GLIS3: variants seen among roughly 807,000 people sequenced by gnomAD.
GLIS3 encodes the protein zinc finger protein GLIS3.
In GLIS3, 53 loss-of-function variants were observed where a neutral mutation model predicts 78.6. The ratio of observed to expected loss-of-function variants is 0.67; its 90% confidence interval spans 0.54 to 0.85. GLIS3 has a LOEUF of 0.85. GLIS3 is among the 40% of genes least tolerant of loss of function. The pLI is 0.00. For synonymous variants in GLIS3, 684 were observed against 509.9 expected (o/e 1.34, Z -4.60); for missense variants, 1,703 against 1,231.1 (o/e 1.38, Z -5.74).
intron 6 of GLIS3, among the ~76,000 whole-genome samples, chr9:3,903,884 A>G (rs1823486869): frequency 1.3e-5 from 2 of 152,202 alleles, no homozygotes; most frequent in Non-Finnish European, 2.9e-5. Context: ...GATGAAGAGC[A>G]AGAGAGTTCC....
chr9:3,905,976 C>G (rs1445671778), intron 6 of GLIS3, among the ~76,000 whole-genome samples: 1 of 152,166 alleles, frequency 6.6e-6, no homozygotes, highest in African/African-American at 2.4e-5. Context: ...ACTGGACATT[C>G]TGGGCTGAAA....
At chr9:4,243,895 A>G (rs1380035822) in intron 2 of GLIS3, among the ~76,000 whole-genome samples, 3 of 152,244 alleles carry the variant, frequency 2.0e-5, no homozygotes, top group Non-Finnish European at 4.4e-5. Flanking sequence ...GGTGGAGCTT[A>G]GAAGAGGATG....
At chr9:3,928,401 C>A (rs1360738303) in intron 6 of GLIS3, among the ~76,000 whole-genome samples, 1 of 152,220 alleles carries the variant, frequency 6.6e-6, no homozygotes, top group Non-Finnish European at 1.5e-5. Context: ...CTGAAAGCAA[C>A]TGACAGAAAA....
At chr9:3,829,895 G>A (rs1391285398) in intron 9 of GLIS3, among the ~76,000 whole-genome samples, 1 of 152,070 alleles carries the variant, frequency 6.6e-6, no homozygotes, top group African/African-American at 2.4e-5. Context: ...TTTCACACTG[G>A]TTAAAATCTT....
chr9:3,862,970 C>T (rs1359698084), intron 8 of GLIS3, among the ~76,000 whole-genome samples: 3 of 151,912 alleles, frequency 2.0e-5, no homozygotes, highest in Admixed American at 6.6e-5. Context: ...TTTTAAAATT[C>T]ATCTGTGCAA....
chr9:4,008,914 T>C (rs73388256), intron 4 of GLIS3, among the ~76,000 whole-genome samples: 2,105 of 152,002 alleles, frequency 0.014, 61 homozygotes, highest in African/African-American at 0.048. Flanking sequence ...AGAAGTAAAA[T>C]TCAGGTCCCC....
Position 3,826,510 on chromosome 9 carries a change from C to G in GLIS3, c.*1762G>C, listed in dbSNP as rs1341331739. 1 of 152,158 alleles carries G rather than the reference C, an allele frequency of 6.6e-6. No individual in the cohort carries two copies. The highest frequency in any genetic ancestry group is 1.9e-4 in the East Asian group (1 of 5,190). 9.4% of individuals were successfully genotyped at this position (152,158 alleles called of 1,614,324 possible). The stretch of plus-strand genomic sequence containing the variant: ...TCATCTCTTTTGCAGACTTTGACGT[C>G]TACGTGAAAGCTTTTCTTAGAATAC... On this transcript the variant is annotated 3_prime_UTR_variant, in exon 11 of 11. Coordinates refer to ENST00000381971, the MANE Select transcript of GLIS3 (RefSeq NM_001042413.2).
Position 3,905,140 on chromosome 9 carries a change from A to ATTTTTT in GLIS3, c.1984-6311_1984-6306dup, listed in dbSNP as rs369063136. Among the ~76,000 whole-genome samples the ATTTTTT allele has an allele frequency of 3.7e-5, 4 of 109,106 alleles. 1 individual carries two copies. The highest frequency in any genetic ancestry group is 1.1e-4 in the Admixed American group (1 of 9,378). 71.6% of individuals were successfully genotyped at this position (109,106 alleles called of 152,430 possible). On this transcript the variant is annotated intron_variant, in intron 6 of 10. Coordinates refer to ENST00000381971, the MANE Select transcript of GLIS3 (RefSeq NM_001042413.2). ...GGCGCCTGCCGCCACGCCCGGTTAA[A>ATTTTTT]TTTTTTTCTTTTTTTTTTTTTTGCT...
At chr9:4,059,804 T>TTG (rs138674422) in intron 4 of GLIS3, among the ~76,000 whole-genome samples, 2,176 of 107,568 alleles carry the variant, frequency 0.02, 36 homozygotes, top group Middle Eastern at 0.048. Flanking sequence ...TCAGCTTTAT[T>TTG]TGTGTGTGTG....
intron 4 of GLIS3, among the ~76,000 whole-genome samples, chr9:4,004,726 G>T (rs769261911): frequency 1.1e-4 from 16 of 152,172 alleles, no homozygotes; most frequent in Non-Finnish European, 1.8e-4. Context: ...GAAACAGATG[G>T]AGACTAACAT....
chr9:4,084,753 C>T (rs889234830), intron 4 of GLIS3, among the ~76,000 whole-genome samples: 1 of 152,134 alleles, frequency 6.6e-6, no homozygotes, highest in South Asian at 2.1e-4. Flanking sequence ...GGTGACCTAA[C>T]AAACTCCTTG....
chr9:4,279,018 G>A (rs973109643), intron 2 of GLIS3, among the ~76,000 whole-genome samples: 7 of 152,038 alleles, frequency 4.6e-5, no homozygotes, highest in Admixed American at 1.3e-4. Context: ...AAATATCAGC[G>A]TGGCTGGGCA....
chr9:3,930,677 C>T (rs936973844), intron 6 of GLIS3, among the ~76,000 whole-genome samples: 50 of 152,194 alleles, frequency 3.3e-4, no homozygotes, highest in Admixed American at 8.5e-4. Flanking sequence ...GATAGGGGAC[C>T]GATACTCTTT....
At position 4,186,937 on chromosome 9, in the gene GLIS3, C is replaced by A. The variant is rs141365208; in HGVS notation, c.389-60996G>T. ...TAGGTTGGGAAAATTTTCTCCCATT[C>A]TGTAGGTTGCCTGTTCACTCTGACG... is the stretch of plus-strand genomic sequence containing the variant. On this transcript the variant is annotated intron_variant, in intron 2 of 10. Transcript: ENST00000381971. 5.3e-5 allele frequency among the ~76,000 whole-genome samples: 8 copies of A among 152,222 alleles called. No homozygotes were observed. In the East Asian group the frequency reaches 1.5e-3, roughly 29 times the overall value.
chr9:4,418,545 A>G, the GLIS3 span, among the ~76,000 whole-genome samples: 1 of 152,176 alleles, frequency 6.6e-6, no homozygotes, highest in African/African-American at 2.4e-5. Context: ...CTAAAAATAC[A>G]AAAATCAGCT....
chr9:4,018,456 G>A (rs1001719909), intron 4 of GLIS3, among the ~76,000 whole-genome samples: 2 of 152,138 alleles, frequency 1.3e-5, no homozygotes, highest in Non-Finnish European at 2.9e-5. Context: ...AGGAACACTT[G>A]GGGTGTACTT....
intron 9 of GLIS3, among the ~76,000 whole-genome samples, chr9:3,831,559 A>G (rs886202899): frequency 4.6e-5 from 7 of 152,198 alleles, no homozygotes; most frequent in African/African-American, 1.7e-4. Context: ...CAGTTTGACA[A>G]CCTGTATCTA....
At chr9:4,226,566 G>A (rs1821786437) in intron 2 of GLIS3, among the ~76,000 whole-genome samples, 1 of 152,128 alleles carries the variant, frequency 6.6e-6, no homozygotes, top group South Asian at 2.1e-4. Context: ...CTAAGCAGAG[G>A]TAAAGATAAG....
chr9:3,856,078 C>T lies in GLIS3; in HGVS notation c.2404G>A (p.Gly802Ser), dbSNP rs532996107. ...TQPPYTQQPS[G>S]SHLKSYQPET... Reference sequence around the variant, plus strand: ...GGCTGATAGGACTTCAGGTGTGAACCTGATGGCTGCTGGGTATAGGGAGGC... The same window carrying T: ...GGCTGATAGGACTTCAGGTGTGAACTTGATGGCTGCTGGGTATAGGGAGGC... Residue 802 changes from glycine to serine, a missense_variant, in exon 9 of 11, where the codon GGT (glycine) becomes AGT (serine). Coordinates refer to ENST00000381971, the MANE Select transcript of GLIS3 (RefSeq NM_001042413.2). 1.2e-6 allele frequency: 2 copies of T among 1,614,180 alleles called. No individual in the cohort carries two copies. Among genetic ancestry groups the T allele is most frequent in the Non-Finnish European group, 1.7e-6 (2 of 1,180,018 alleles).
Sources: allele counts gnomAD v4.1 joint callset (sites outside exome capture counted in the v4.1 genomes callset), GRCh38; gene constraint gnomAD v4.1.1; transcripts MANE v1.5; gene names NCBI Gene and HGNC (gene_info 2026-07-23, HGNC 2026-07-21).